The following GPR137B variants were observed in gnomAD, a reference collection of about 807,000 sequenced individuals.
GPR137B encodes the protein G protein-coupled receptor 137B, also known as integral membrane protein GPR137B.
In GPR137B, 42 loss-of-function variants were observed where a neutral mutation model predicts 42.5. The observed-to-expected ratio is 0.99, with a 90% CI of 0.77 to 1.28. The LOEUF is 1.28. GPR137B is among the 50% of genes most tolerant of loss of function. GPR137B has a pLI of 0.00. For synonymous variants in GPR137B, 218 were observed against 209.7 expected, an observed-to-expected ratio of 1.04 and a Z score of -0.34; for missense variants, 487 against 493.9, an observed-to-expected ratio of 0.99 and a Z score of 0.13.
At chr1:236,153,710 C>T (rs1661936121) in intron 1 of GPR137B, among the ~76,000 whole-genome samples, 1 of 152,342 alleles carries the variant, frequency 6.6e-6, no homozygotes, top group African/African-American at 2.4e-5. Context: ...GACTTAGTGG[C>T]TGTCCTTACA....
At chr1:236,177,565 T>TTTTTG (rs1662723315) in intron 2 of GPR137B, among the ~76,000 whole-genome samples, 1 of 38,300 alleles carries the variant, frequency 2.6e-5, no homozygotes, top group African/African-American at 3.3e-4. Flanking sequence ...TTTGTTTTTG[T>TTTTTG]TTTTTTTTGA....
chr1:236,174,297 G>GA (rs544132535), intron 2 of GPR137B, among the ~76,000 whole-genome samples: 83 of 152,290 alleles, frequency 5.5e-4, no homozygotes, highest in African/African-American at 1.9e-3. Flanking sequence ...TAAAAATCAA[G>GA]AAGGAGGAAG....
At chr1:236,184,040 A>C in intron 5 of GPR137B, 134 bp downstream of exon 5, 1 of 584,862 alleles carries the variant, frequency 1.7e-6, no homozygotes, top group Non-Finnish European at 3.0e-6. Flanking sequence ...TTCCTTGACT[A>C]TTTTATTGAG....
In GPR137B at chr1:236,208,293, C is replaced by T; in HGVS notation, c.*135C>T. 1 of 1,453,680 alleles carries T rather than the reference C, an allele frequency of 6.9e-7. No homozygotes were observed. Among genetic ancestry groups the T allele is most frequent in the Non-Finnish European group, 9.0e-7 (1 of 1,108,156 alleles). The allele number at this position is 1,453,680 out of a possible 1,614,324, so 90.0% of individuals were successfully genotyped here. On this transcript the variant is annotated 3_prime_UTR_variant, in exon 7 of 7. Coordinates refer to ENST00000366592, the MANE Select transcript of GPR137B (RefSeq NM_003272.4). ...ATTTGTTACAGGTTTCCAATGGCCC[C>T]ATAGGAATAAGCAATAATGTAGACT...
At chr1:236,154,228 G>T (rs1465611465) in intron 1 of GPR137B, among the ~76,000 whole-genome samples, 2 of 152,184 alleles carry the variant, frequency 1.3e-5, no homozygotes, top group African/African-American at 4.8e-5. Flanking sequence ...GCCTGGGTTT[G>T]TTCTCAGCGA....
intron 1 of GPR137B, among the ~76,000 whole-genome samples, chr1:236,152,471 A>G (rs556766864): frequency 2.0e-5 from 3 of 151,836 alleles, no homozygotes; most frequent in South Asian, 4.2e-4. Flanking sequence ...AAAAAAATGT[A>G]TTGGGGCTGG....
At position 236,150,440 on chromosome 1, in the gene GPR137B, CCT is replaced by C. The variant is rs758694771; in HGVS notation, c.414+7408_414+7409del. 1.4e-4 allele frequency among the ~76,000 whole-genome samples: 21 copies of C among 152,200 alleles called. No homozygotes were observed. Among genetic ancestry groups the C allele is most frequent in the Non-Finnish European group, 2.2e-4 (15 of 68,038 alleles). On this transcript the variant is annotated intron_variant, in intron 1 of 6. Coordinates refer to ENST00000366592, the MANE Select transcript of GPR137B (RefSeq NM_003272.4). This position sits in a 1 kb window ranked among gnomAD's most constrained non-coding sequence, Gnocchi z 6.2. The stretch of plus-strand genomic sequence containing the variant: ...AAACATACAGCCCAGTTTCCCGAGC[CCT>C]CTCCTCGAGCCATGGCAGCGTGCTC...
At chr1:236,152,025 C>T (rs752061352) in intron 1 of GPR137B, among the ~76,000 whole-genome samples, 1 of 152,088 alleles carries the variant, frequency 6.6e-6, no homozygotes, top group African/African-American at 2.4e-5. Flanking sequence ...CCCATCAGGC[C>T]CACACTCATT....
chr1:236,183,735 C>T (rs527866726), intron 4 of GPR137B, 43 bp from the exon 5 acceptor site: 4 of 1,484,596 alleles, frequency 2.7e-6, no homozygotes, highest in African/African-American at 2.8e-5. Context: ...AATTTATTTC[C>T]TCTTCCCTTG....
chr1:236,168,822 T>G, intron 2 of GPR137B, 67 bp downstream of exon 2: 4 of 1,133,290 alleles, frequency 3.5e-6, no homozygotes, highest in South Asian at 1.2e-5. Flanking sequence ...ATCTCATCTC[T>G]CCATTGGGGT....
chr1:236,147,926 C>T (rs943099345), intron 1 of GPR137B, among the ~76,000 whole-genome samples: 7 of 152,206 alleles, frequency 4.6e-5, no homozygotes, highest in Admixed American at 2.0e-4. Flanking sequence ...CTCTCCGGGC[C>T]GTCTGTATGC....
At chr1:236,167,123 T>C (rs1662383303) in intron 1 of GPR137B, among the ~76,000 whole-genome samples, 1 of 152,142 alleles carries the variant, frequency 6.6e-6, no homozygotes, top group South Asian at 2.1e-4. Context: ...CCGGCTTCAT[T>C]GAAGTATAAT....
chr1:236,207,400 C>A, intron 6 of GPR137B: 1 of 338,532 alleles, frequency 3.0e-6, no homozygotes, highest in Non-Finnish European at 4.2e-6. Context: ...AGTTACCCCA[C>A]TGCATCTCCT....
intron 1 of GPR137B, among the ~76,000 whole-genome samples, chr1:236,148,790 C>T (rs749717510): frequency 2.6e-5 from 4 of 152,066 alleles, no homozygotes; most frequent in African/African-American, 9.7e-5. Context: ...GGGAGCTCAT[C>T]ATGGGCACTA....
chr1:236,175,670 C>T (rs1281200795), intron 2 of GPR137B, among the ~76,000 whole-genome samples: 1 of 152,114 alleles, frequency 6.6e-6, no homozygotes, highest in African/African-American at 2.4e-5. Flanking sequence ...CCCCTGATTC[C>T]CCCATCACTG....
intron 1 of GPR137B, among the ~76,000 whole-genome samples, chr1:236,153,390 G>A (rs1260127348): frequency 5.9e-5 from 9 of 152,134 alleles, no homozygotes; most frequent in African/African-American, 1.7e-4. Context: ...ATTCTTGTAC[G>A]TCTTCTCCTT....
At chr1:236,143,989 G>A (rs963725956) in intron 1 of GPR137B, among the ~76,000 whole-genome samples, 1 of 152,144 alleles carries the variant, frequency 6.6e-6, no homozygotes, top group Non-Finnish European at 1.5e-5. Flanking sequence ...TCTGCCGAAG[G>A]GGAAGGCGTC....
chr1:236,149,093 G>A (rs920845662), intron 1 of GPR137B, among the ~76,000 whole-genome samples: 8 of 152,110 alleles, frequency 5.3e-5, no homozygotes, highest in African/African-American at 7.2e-5. Flanking sequence ...CTCTTGCTTC[G>A]ACACCCAGCC....
chr1:236,163,925 T>A lies in GPR137B; in HGVS notation c.415-4781T>A, dbSNP rs1385101427. Among the ~76,000 whole-genome samples the A allele has an allele frequency of 2.0e-5, 3 of 150,794 alleles. 1 individual carries two copies. Among genetic ancestry groups the A allele is most frequent in the Non-Finnish European group, 4.4e-5 (3 of 67,684 alleles). ...CCACACCTCCCATACCTCGACACACTTTTCACATCTCCTCCCATCTCCTCC... is the reference window on the plus strand; with the variant it reads ...CCACACCTCCCATACCTCGACACACATTTCACATCTCCTCCCATCTCCTCC... On this transcript the variant is annotated intron_variant, in intron 1 of 6. Coordinates refer to ENST00000366592, the MANE Select transcript of GPR137B (RefSeq NM_003272.4).
Sources: allele counts gnomAD v4.1 joint callset (sites outside exome capture counted in the v4.1 genomes callset), GRCh38; gene constraint gnomAD v4.1.1; non-coding constraint Gnocchi (gnomAD v3.1); transcripts MANE v1.5; gene names NCBI Gene and HGNC (gene_info 2026-07-23, HGNC 2026-07-21).